Variants in GRK5 observed in about 807,000 individuals in gnomAD.
GRK5 encodes the protein G protein-coupled receptor kinase 5.
GRK5 carries 40 observed loss-of-function variants against 78.4 expected under a neutral mutation model. That is an observed-to-expected ratio of 0.51 (90% confidence interval 0.40 to 0.66). The LOEUF (loss-of-function observed/expected upper bound fraction) is 0.66. GRK5 is among the 30% of genes least tolerant of loss of function. GRK5 has a pLI of 0.00. For synonymous variants in GRK5, 289 were observed against 296.8 expected (o/e 0.97, Z 0.27); for missense variants, 598 against 759.9 (o/e 0.79, Z 2.50).
At chr10:119,261,599 C>G (rs1349016635) in intron 1 of GRK5, among the ~76,000 whole-genome samples, 1 of 152,248 alleles carries the variant, frequency 6.6e-6, no homozygotes, top group Non-Finnish European at 1.5e-5. Context: ...TGCACTCCAG[C>G]CTGGGCGCCA....
chr10:119,216,474 G>C (rs1473552634), intron 1 of GRK5, among the ~76,000 whole-genome samples: 1 of 152,122 alleles, frequency 6.6e-6, no homozygotes, highest in Non-Finnish European at 1.5e-5. Flanking sequence ...CCGGCATAGA[G>C]GTTACCCTTG....
At chr10:119,249,285 C>T (rs201730821) in intron 1 of GRK5, among the ~76,000 whole-genome samples, 4 of 145,542 alleles carry the variant, frequency 2.7e-5, no homozygotes, top group African/African-American at 7.3e-5. Flanking sequence ...AAACAAAAAA[C>T]GAAAAACAAA....
rs1852789203 is a variant in GRK5 at position 119,430,303 on chromosome 10, A to G, written c.534-72A>G. On this transcript the variant is annotated intron_variant, in intron 6 of 15. Transcript: ENST00000392870. This position sits in a 1 kb window ranked among gnomAD's most constrained non-coding sequence, Gnocchi z 4.5. The stretch of plus-strand genomic sequence containing the variant: ...TTATACCCCACCCCAGCTGCTCTCA[A>G]TGTGCCACTGTTTCCTGTGGATTCT... 20 of 1,353,340 alleles carry G rather than the reference A, an allele frequency of 1.5e-5. No individual in the cohort carries two copies. The South Asian group carries it at 1.9e-4, about 13-fold the overall frequency. The allele number at this position is 1,353,340 out of a possible 1,614,324, so 83.8% of individuals were successfully genotyped here.
rs1193868765 is a variant in GRK5 at position 119,271,372 on chromosome 10, CT to C, written c.53-55140del. Among the ~76,000 whole-genome samples the C allele has an allele frequency of 6.6e-6, 1 of 152,218 alleles. No homozygotes were observed. Among genetic ancestry groups the C allele is most frequent in the Non-Finnish European group, 1.5e-5 (1 of 68,042 alleles). On this transcript the variant is annotated intron_variant, in intron 1 of 15. Transcript: ENST00000392870. The surrounding 1 kb of genome is among the most constrained non-coding windows in gnomAD (Gnocchi z 4.1). ...CTCTTTACCAAGTTCTCTGCATAGC[CT>C]TTTGCCTTCTATTGTTTGCTGTCCC...
intron 10 of GRK5, 60 bp from the exon 11 acceptor site, chr10:119,441,939 G>C: frequency 7.1e-7 from 1 of 1,399,182 alleles, no homozygotes; most frequent in Non-Finnish European, 1.0e-6. Context: ...AGGGCACACA[G>C]CAAGGCCGGG....
At chr10:119,416,341 C>T (rs1006019387) in intron 4 of GRK5, among the ~76,000 whole-genome samples, 1 of 152,248 alleles carries the variant, frequency 6.6e-6, no homozygotes, top group African/African-American at 2.4e-5. Flanking sequence ...GGGCTGATAA[C>T]TCAGCCACTG....
At chr10:119,246,055 A>G (rs975018209) in intron 1 of GRK5, among the ~76,000 whole-genome samples, 1 of 147,864 alleles carries the variant, frequency 6.8e-6, no homozygotes, top group Non-Finnish European at 1.5e-5. Context: ...AGAAAAAAAG[A>G]TAAATTTGTT....
rs186930064 is a variant in GRK5, at chr10:119,302,805, G to A, written c.53-23711G>A. 1.9e-4 allele frequency among the ~76,000 whole-genome samples: 29 copies of A among 152,304 alleles called. No homozygotes were observed. The East Asian group carries it at 5.6e-3, about 29-fold the overall frequency. ...GGCTCCTTCCACACAGAGGCCTGGG[G>A]TTCCCTGGGGCCTCTCTGTCAGGGG... is the stretch of plus-strand genomic sequence containing the variant. On this transcript the variant is annotated intron_variant, in intron 1 of 15. Coordinates refer to ENST00000392870, the MANE Select transcript of GRK5 (RefSeq NM_005308.3).
chr10:119,254,496 C>T (rs1849249374), intron 1 of GRK5, among the ~76,000 whole-genome samples: 2 of 151,988 alleles, frequency 1.3e-5, no homozygotes. Context: ...ATGGGAAAGG[C>T]AGCTTGGAAC....
At chr10:119,361,814 A>G (rs1851367507) in intron 2 of GRK5, among the ~76,000 whole-genome samples, 1 of 152,078 alleles carries the variant, frequency 6.6e-6, no homozygotes, top group African/African-American at 2.4e-5. Flanking sequence ...TACAAAAATT[A>G]GCCAGGCGTA....
intron 2 of GRK5, among the ~76,000 whole-genome samples, chr10:119,335,175 T>TCTCTCTCTCTCTCTCTCC (rs1387026472): frequency 3.5e-5 from 4 of 113,214 alleles, no homozygotes; most frequent in African/African-American, 1.1e-4. Context: ...TCTCTCTCTC[T>TCTCTCTCTCTCTCTCTCC]CCCCCTCTCC....
In GRK5 at chr10:119,342,801, A is replaced by G. The variant is rs562756038; in HGVS notation, c.148+16190A>G. Among the ~76,000 whole-genome samples, 165 of 152,160 alleles carry G rather than the reference A, an allele frequency of 1.1e-3. 3 individuals carry two copies. The highest frequency in any genetic ancestry group is 6.8e-3 in the Middle Eastern group (2 of 294). ...TGGCAGCGCAGGCTGGGCTACATTT[A>G]TGGCCTTTATGTAACCCCTTTGCCC... On this transcript the variant is annotated intron_variant, in intron 2 of 15. Coordinates refer to ENST00000392870, the MANE Select transcript of GRK5 (RefSeq NM_005308.3).
Position 119,379,604 on chromosome 10 carries a change from A to C in GRK5, c.149-1211A>C, listed in dbSNP as rs961638883. On this transcript the variant is annotated intron_variant, in intron 2 of 15. Transcript: ENST00000392870. This position sits in a 1 kb window ranked among gnomAD's most constrained non-coding sequence, Gnocchi z 4.1. ...CAAGTTGCTGTCCTTCCCAGGCTCTATCGCCCTCTTCCCTGTTTCCCACGA... is the reference window on the plus strand; with the variant it reads ...CAAGTTGCTGTCCTTCCCAGGCTCTCTCGCCCTCTTCCCTGTTTCCCACGA... Among the ~76,000 whole-genome samples the C allele has an allele frequency of 6.6e-6, 1 of 152,118 alleles. No homozygotes were observed. The highest frequency in any genetic ancestry group is 2.4e-5 in the African/African-American group (1 of 41,424).
intron 1 of GRK5, among the ~76,000 whole-genome samples, chr10:119,256,437 G>C (rs1322827100): frequency 6.6e-6 from 1 of 152,154 alleles, no homozygotes; most frequent in East Asian, 1.9e-4. Flanking sequence ...TTTGCAGAAA[G>C]GCTCCTTGGG....
chr10:119,257,392 C>T (rs540645436), intron 1 of GRK5, among the ~76,000 whole-genome samples: 2 of 152,298 alleles, frequency 1.3e-5, no homozygotes, highest in South Asian at 4.1e-4. Flanking sequence ...GTGAGGGTGG[C>T]ACCATCGCAG....
chr10:119,430,242 T>G lies in GRK5; in HGVS notation c.534-133T>G. 2.6e-6 allele frequency: 2 copies of G among 768,924 alleles called. No homozygotes were observed. Among genetic ancestry groups the G allele is most frequent in the South Asian group, 1.5e-5 (1 of 67,352 alleles). 47.6% of individuals were successfully genotyped at this position (768,924 alleles called of 1,614,324 possible). A position where few individuals can be genotyped will look rare whatever the true frequency, so the allele number is the denominator to read the frequency against. On this transcript the variant is annotated intron_variant, in intron 6 of 15. Coordinates refer to ENST00000392870, the MANE Select transcript of GRK5 (RefSeq NM_005308.3). This position sits in a 1 kb window ranked among gnomAD's most constrained non-coding sequence, Gnocchi z 4.5. The stretch of plus-strand genomic sequence containing the variant: ...AGGTCCAGTCTCCAGCGATGATTCC[T>G]GGGGGGTCCCTGGGGCTGCTGTGGG...
intron 1 of GRK5, among the ~76,000 whole-genome samples, chr10:119,300,711 T>G (rs1426645531): frequency 9.2e-5 from 14 of 152,226 alleles, no homozygotes. Context: ...AGGTGAGTCC[T>G]TCTATGAATA....
intron 12 of GRK5, 56 bp from the exon 13 acceptor site, chr10:119,448,067 G>A (rs1853190976): frequency 1.8e-5 from 26 of 1,483,922 alleles, no homozygotes; most frequent in Non-Finnish European, 2.2e-5. Flanking sequence ...GAGGCAGGAG[G>A]TCCGGACAGG....
intron 3 of GRK5, among the ~76,000 whole-genome samples, chr10:119,395,813 C>T (rs1402394806): frequency 1.3e-5 from 2 of 152,128 alleles, no homozygotes; most frequent in African/African-American, 2.4e-5. Context: ...AGAAGCCCTG[C>T]GCTTGGAGGT....
Sources: gnomAD v4.1 joint callset for allele counts (sites outside exome capture counted in the v4.1 genomes callset) on GRCh38, gnomAD v4.1.1 for gene constraint, Gnocchi (gnomAD v3.1) non-coding constraint, MANE v1.5 for transcripts, NCBI Gene and HGNC (gene_info 2026-07-23, HGNC 2026-07-21) for gene names.